The following XYLT1 variants were observed in gnomAD, a reference collection of about 807,000 sequenced individuals.
XYLT1 encodes beta-D-xylosyltransferase 1.
A neutral mutation model predicts 91.3 loss-of-function variants in XYLT1; 36 were observed. The ratio of observed to expected loss-of-function variants is 0.39; its 90% CI spans 0.30 to 0.52. XYLT1 has a LOEUF of 0.52. Ranked by LOEUF, XYLT1 falls within the 20% of genes least tolerant of loss-of-function variation. The probability of loss-of-function intolerance (pLI) is 0.68; values close to 1 mark genes in which losing one functional copy is unlikely to be tolerated. For synonymous variants in XYLT1, 588 were observed against 532.0 expected (o/e 1.11, Z -1.45); for missense variants, 1,242 against 1,284.5 (o/e 0.97, Z 0.51).
chr16:17,199,038 C>T (rs564386194), intron 4 of XYLT1, among the ~76,000 whole-genome samples: 1 of 152,304 alleles, frequency 6.6e-6, no homozygotes, highest in African/African-American at 2.4e-5. Flanking sequence ...GCCACTGCAC[C>T]TGGCCAACTT....
At chr16:17,206,996 C>A (rs1214582094) in intron 3 of XYLT1, among the ~76,000 whole-genome samples, 1 of 151,656 alleles carries the variant, frequency 6.6e-6, no homozygotes, top group Non-Finnish European at 1.5e-5. Flanking sequence ...CAGGAGTTAG[C>A]ATTGCCACAT....
intron 2 of XYLT1, among the ~76,000 whole-genome samples, chr16:17,325,885 G>T (rs2034793444): frequency 6.6e-6 from 1 of 152,164 alleles, no homozygotes; most frequent in Non-Finnish European, 1.5e-5. Flanking sequence ...AGCATGAACT[G>T]GGCAGGAAGC....
At chr16:17,263,686 TC>T (rs1442762764) in intron 2 of XYLT1, among the ~76,000 whole-genome samples, 1 of 151,642 alleles carries the variant, frequency 6.6e-6, no homozygotes, top group Admixed American at 6.6e-5. Flanking sequence ...CTCTCTGGCT[TC>T]CCCCCTTCAA....
At chr16:17,226,941 C>T (rs1412935085) in intron 3 of XYLT1, 1 of 152,224 alleles carries the variant, frequency 6.6e-6, no homozygotes, top group African/African-American at 2.4e-5. Flanking sequence ...CCATGCCTAC[C>T]TTACAGAGAG....
intron 2 of XYLT1, among the ~76,000 whole-genome samples, chr16:17,283,585 T>A (rs1035016716): frequency 1.3e-5 from 2 of 152,180 alleles, no homozygotes; most frequent in Non-Finnish European, 2.9e-5. Context: ...TAATAACAAC[T>A]AAGTAGAATT....
chr16:17,198,877 T>C (rs1171633008), intron 4 of XYLT1, among the ~76,000 whole-genome samples: 2 of 152,174 alleles, frequency 1.3e-5, no homozygotes. Context: ...CCCAAGTAGC[T>C]GGGATTACAA....
At chr16:17,379,928 T>G (rs2035658625) in intron 1 of XYLT1, among the ~76,000 whole-genome samples, 1 of 152,220 alleles carries the variant, frequency 6.6e-6, no homozygotes, top group South Asian at 2.1e-4. Flanking sequence ...TGCTGGCCTC[T>G]GATAGTTCTG....
chr16:17,322,918 G>T (rs7204895), intron 2 of XYLT1, among the ~76,000 whole-genome samples: 2 of 152,218 alleles, frequency 1.3e-5, no homozygotes, highest in South Asian at 2.1e-4. Context: ...TGGCACAAAG[G>T]GGGTGCTTGA....
chr16:17,211,343 C>A (rs1382492735), intron 3 of XYLT1, among the ~76,000 whole-genome samples: 1 of 152,160 alleles, frequency 6.6e-6, no homozygotes, highest in Non-Finnish European at 1.5e-5. Flanking sequence ...AAGGTCCAGA[C>A]AATGTTTTGA....
At chr16:17,192,562 C>T (rs1194440886) in intron 5 of XYLT1, among the ~76,000 whole-genome samples, 2 of 152,202 alleles carry the variant, frequency 1.3e-5, no homozygotes, top group East Asian at 3.9e-4. Context: ...CAAGATCTAG[C>T]AGGGCCTCAG....
intron 5 of XYLT1, among the ~76,000 whole-genome samples, chr16:17,173,232 T>A (rs2031865876): frequency 6.6e-6 from 1 of 152,194 alleles, no homozygotes; most frequent in Admixed American, 6.5e-5. Flanking sequence ...AAACAGGACG[T>A]GTAGTAGATG....
intron 2 of XYLT1, among the ~76,000 whole-genome samples, chr16:17,275,043 G>T (rs2033953261): frequency 2.0e-5 from 3 of 152,086 alleles, no homozygotes; most frequent in Admixed American, 2.0e-4. Flanking sequence ...TGGGCGTGGT[G>T]GTGTGCGCCT....
chr16:17,246,270 T>C (rs568761684), intron 3 of XYLT1, among the ~76,000 whole-genome samples: 1 of 152,340 alleles, frequency 6.6e-6, no homozygotes, highest in South Asian at 2.1e-4. Context: ...CATTTAACAA[T>C]CCCTACGTAG....
intron 1 of XYLT1, among the ~76,000 whole-genome samples, chr16:17,450,780 A>G (rs1456770894): frequency 6.6e-6 from 1 of 152,182 alleles, no homozygotes. Flanking sequence ...TCACAGACAG[A>G]CACTGCTGCC....
At chr16:17,228,485 G>T (rs80081245) in intron 3 of XYLT1, among the ~76,000 whole-genome samples, 2,872 of 152,262 alleles carry the variant, frequency 0.019, 49 homozygotes, top group South Asian at 0.023. Flanking sequence ...CGGTGATGGG[G>T]TTGGGGGCTG....
chr16:17,305,417 C>CTTT (rs35534038), intron 2 of XYLT1, among the ~76,000 whole-genome samples: 10 of 130,152 alleles, frequency 7.7e-5, no homozygotes, highest in South Asian at 2.4e-4. Context: ...TCTTCTTCTT[C>CTTT]TTTTTTTTTT....
chr16:17,395,210 G>A lies in XYLT1; in HGVS notation c.364-37160C>T, dbSNP rs1049774367. On this transcript the variant is annotated intron_variant, in intron 1 of 11. Coordinates refer to ENST00000261381, the MANE Select transcript of XYLT1 (RefSeq NM_022166.4). Reference sequence around the variant, plus strand: ...CATGAGAACTCACTCACTATCATGAGAACAGCATGGGGAAAACCTCCCCCC... The same window carrying A: ...CATGAGAACTCACTCACTATCATGAAAACAGCATGGGGAAAACCTCCCCCC... 4.6e-5 allele frequency among the ~76,000 whole-genome samples: 7 copies of A among 152,084 alleles called. No individual in the cohort carries two copies. In the South Asian group the frequency reaches 6.2e-4, roughly 14 times the overall value.
intron 5 of XYLT1, among the ~76,000 whole-genome samples, chr16:17,175,437 T>A (rs1567308415): frequency 6.6e-6 from 1 of 152,156 alleles, no homozygotes; most frequent in South Asian, 2.1e-4. Context: ...TTATCACCCA[T>A]TTTACAGAGG....
rs34511974 is a variant in XYLT1, at chr16:17,108,944, G to A, written c.2631C>T (p.Pro877=). 0.16 allele frequency: 250,568 copies of A among 1,595,152 alleles called. 22,487 individuals are homozygous for A. The highest frequency in any genetic ancestry group is 0.3 in the Admixed American group (18,001 of 59,328). ...CGGGGTTGATGGGCAGGCTGAGGAC[G>A]GGGTTTAGGCTCTGGAAGCTCTGCT... The part of the protein sequence containing the change: ...YMEQSFQSLN[P]VLSLPINPAQ... The change falls in exon 12 of 12, where the codon CCC becomes CCT. Residue 877 remains proline (P), a synonymous_variant. Transcript: ENST00000261381.
Sources: allele counts gnomAD v4.1 joint callset (sites outside exome capture counted in the v4.1 genomes callset), GRCh38; gene constraint gnomAD v4.1.1; transcripts MANE v1.5; gene names NCBI Gene and HGNC (gene_info 2026-07-23, HGNC 2026-07-21).